Variants in PITPNM3 observed in about 807,000 individuals in gnomAD.
PITPNM3 encodes PITPNM family member 3, also known as membrane-associated phosphatidylinositol transfer protein 3.
Under a neutral mutation model 102.0 loss-of-function variants are expected in PITPNM3, and 26 were observed. That is an observed-to-expected ratio of 0.25 (90% confidence interval 0.19 to 0.35). The LOEUF is 0.35. PITPNM3 is among the 10% of genes least tolerant of loss of function. PITPNM3 has a pLI of 1.00. For missense variants in PITPNM3, 1,083 were observed against 1,346.1 expected (o/e 0.80, Z 3.06); for synonymous variants, 578 against 558.6 (o/e 1.03, Z -0.49).
At chr17:6,505,193 A>ATATATGTATATATATATATATATAC (rs1198801942) in intron 3 of PITPNM3, among the ~76,000 whole-genome samples, 1 of 72,284 alleles carries the variant, frequency 1.4e-5, no homozygotes, top group African/African-American at 4.5e-5. Flanking sequence ...GAAGACAAAT[A>ATATATGTATATATATATATATATAC]AAATATATAT....
intron 4 of PITPNM3, among the ~76,000 whole-genome samples, chr17:6,491,318 C>A (rs975015463): frequency 6.6e-6 from 1 of 152,140 alleles, no homozygotes; most frequent in Non-Finnish European, 1.5e-5. Flanking sequence ...TAGCTCTCAC[C>A]ACTTGAGCTC....
chr17:6,551,878 G>A (rs1054533914), intron 1 of PITPNM3, among the ~76,000 whole-genome samples: 3 of 152,042 alleles, frequency 2.0e-5, no homozygotes, highest in Non-Finnish European at 4.4e-5. Flanking sequence ...GGATGTGAGA[G>A]CACACGCCCC....
At chr17:6,544,865 TCACA>T (rs898566098) in intron 1 of PITPNM3, among the ~76,000 whole-genome samples, 3 of 26,482 alleles carry the variant, frequency 1.1e-4, no homozygotes, top group Non-Finnish European at 1.5e-4. Flanking sequence ...ACACACACAC[TCACA>T]CACACACACA....
At chr17:6,456,546 G>A (rs552726865) in intron 19 of PITPNM3, among the ~76,000 whole-genome samples, 26 of 152,180 alleles carry the variant, frequency 1.7e-4, no homozygotes, top group African/African-American at 4.6e-4. Context: ...CAGAACTTCC[G>A]GCCCTCTCCC....
At chr17:6,546,358 A>C (rs1356508613) in intron 1 of PITPNM3, among the ~76,000 whole-genome samples, 2 of 152,248 alleles carry the variant, frequency 1.3e-5, no homozygotes. Flanking sequence ...CTTCCAGGGC[A>C]ACCAGAGGGG....
chr17:6,492,573 G>A (rs189459543), intron 4 of PITPNM3, among the ~76,000 whole-genome samples: 8 of 152,198 alleles, frequency 5.3e-5, no homozygotes, highest in African/African-American at 1.9e-4. Context: ...AAATGAACTC[G>A]AGGCTAGGCG....
chr17:6,490,006 C>CA (rs371040560), intron 4 of PITPNM3, among the ~76,000 whole-genome samples: 5,506 of 145,394 alleles, frequency 0.038, 327 homozygotes, highest in African/African-American at 0.13. Flanking sequence ...GACTCCATCT[C>CA]AAAAAAAAAA....
intron 4 of PITPNM3, among the ~76,000 whole-genome samples, chr17:6,486,660 T>C (rs1350220122): frequency 3.9e-5 from 6 of 152,162 alleles, no homozygotes; most frequent in African/African-American, 1.4e-4. Context: ...CACTTCCTAG[T>C]TCTTCCCATT....
At chr17:6,532,459 A>G (rs1386964813) in intron 2 of PITPNM3, among the ~76,000 whole-genome samples, 5 of 152,108 alleles carry the variant, frequency 3.3e-5, no homozygotes, top group Non-Finnish European at 5.9e-5. Context: ...CATCCCTTCT[A>G]GAAGTTCTCT....
chr17:6,533,407 T>G (rs1395882931), intron 2 of PITPNM3, among the ~76,000 whole-genome samples: 1 of 152,214 alleles, frequency 6.6e-6, no homozygotes, highest in East Asian at 1.9e-4. Flanking sequence ...ATATATCTGC[T>G]TTGGTGCAGC....
Position 6,477,046 on chromosome 17 carries a change from G to A in PITPNM3, c.1068C>T (p.His356=). 1.2e-6 allele frequency: 2 copies of A among 1,614,148 alleles called. No homozygotes were observed. The highest frequency in any genetic ancestry group is 1.7e-6 in the Non-Finnish European group (2 of 1,180,024). The change falls in exon 9 of 20, where the codon CAC becomes CAT. Residue 356 remains histidine, a synonymous_variant. Transcript: ENST00000262483. ...GGGGCTACCTTGAGAGGAAGGCATG[G>A]TGCTGGGTGATGGCCTCGCAGTCAT... is the stretch of plus-strand genomic sequence containing the variant. The part of the protein sequence containing the change: ...STYDCEAITQ[H]HAFLSSIHSS...
intron 2 of PITPNM3, among the ~76,000 whole-genome samples, chr17:6,533,629 G>T (rs907510201): frequency 1.3e-5 from 2 of 151,708 alleles, no homozygotes; most frequent in African/African-American, 4.8e-5. Flanking sequence ...TAATTTTTTT[G>T]TATCTTTAGT....
chr17:6,451,873 A>ACCCCAC lies in PITPNM3; in HGVS notation c.*3464_*3465insGTGGGG, dbSNP rs1913851622. 2.3e-5 allele frequency: 1 copy of ACCCCAC among 43,926 alleles called. No individual in the cohort carries two copies. The highest frequency in any genetic ancestry group is 8.5e-5 in the African/African-American group (1 of 11,826). 2.7% of individuals were successfully genotyped at this position (43,926 alleles called of 1,614,324 possible). Reference sequence around the variant, plus strand: ...GGTTTCCAGGGCACTTGGCACCCAAACCCCCCCCCCCCGCCCGCCGATGGG... The same window carrying ACCCCAC: ...GGTTTCCAGGGCACTTGGCACCCAAACCCCACCCCCCCCCCCCCGCCCGCCGATGGG... On this transcript the variant is annotated 3_prime_UTR_variant, in exon 20 of 20. Transcript: ENST00000262483.
At chr17:6,544,410 T>TA (rs1909897755) in intron 1 of PITPNM3, among the ~76,000 whole-genome samples, 1 of 152,100 alleles carries the variant, frequency 6.6e-6, no homozygotes, top group Admixed American at 6.6e-5. Flanking sequence ...CATGTGCCTA[T>TA]AGTCCCAGGT....
At chr17:6,538,117 A>C (rs758605238) in intron 1 of PITPNM3, 35 bp from the exon 2 acceptor site, 1 of 1,515,962 alleles carries the variant, frequency 6.6e-7, no homozygotes, top group East Asian at 2.3e-5. Context: ...ACCAAGCCTG[A>C]GATGTTGTCC....
intron 1 of PITPNM3, among the ~76,000 whole-genome samples, chr17:6,548,928 G>A (rs760684146): frequency 6.6e-6 from 1 of 152,088 alleles, no homozygotes; most frequent in Non-Finnish European, 1.5e-5. Context: ...GCTAACAGAC[G>A]GTTACTTCCC....
chr17:6,471,308 G>A lies in PITPNM3; in HGVS notation c.1477C>T (p.Arg493Trp), dbSNP rs147943969. 877 of 1,609,920 alleles carry A rather than the reference G, an allele frequency of 5.4e-4. 7 individuals carry two copies. The African/African-American group carries it at 9.7e-3, about 18-fold the overall frequency. Residue 493 changes from arginine to tryptophan, a missense_variant, in exon 12 of 20, where the codon CGG becomes TGG. Around this residue, in one of 5 missense-constraint regions of PITPNM3, gnomAD observed 410 missense variants for 638.4 expected, o/e 0.64. Transcript: ENST00000262483. ...HSPLFLEGSS[R>W]DSPPLLDAPA... is the part of the protein sequence containing the mutation. ...GCATCCAGAAGTGGCGGGCTGTCCC[G>A]GGAGCTGCCCTCCAGGAAGAGGGGG...
chr17:6,492,325 A>T (rs1906537985), intron 4 of PITPNM3, among the ~76,000 whole-genome samples: 1 of 152,028 alleles, frequency 6.6e-6, no homozygotes, highest in South Asian at 2.1e-4. Context: ...AGCCTCCCAA[A>T]GTGCTGGGTT....
intron 1 of PITPNM3, among the ~76,000 whole-genome samples, chr17:6,539,543 T>C (rs1253464401): frequency 6.6e-6 from 1 of 152,128 alleles, no homozygotes; most frequent in African/African-American, 2.4e-5. Flanking sequence ...AAAAGTCAAT[T>C]GCATTCCTAG....
Sources: allele counts gnomAD v4.1 joint callset (sites outside exome capture counted in the v4.1 genomes callset), GRCh38; gene constraint gnomAD v4.1.1; regional missense constraint gnomAD v4.1.1; transcripts MANE v1.5; gene names NCBI Gene and HGNC (gene_info 2026-07-23, HGNC 2026-07-21).